Variants in NPIPB6 observed in about 807,000 individuals in gnomAD.
NPIPB6 encodes nuclear pore complex-interacting protein family member B6.
In NPIPB6, 2 loss-of-function variants were observed where a neutral mutation model predicts 20.0. The observed-to-expected ratio is 0.10, with a 90% CI of 0.04 to 0.31. NPIPB6 has a LOEUF of 0.31. Ranked by LOEUF, NPIPB6 falls within the 10% of genes least tolerant of loss-of-function variation. The pLI, the probability that NPIPB6 is intolerant of heterozygous loss-of-function variation, is 1.00. For missense variants in NPIPB6, 96 were observed against 293.7 expected (o/e 0.33, Z 4.92); for synonymous variants, 35 against 116.3 (o/e 0.30, Z 4.50).
At chr16:28,348,265 T>C in intron 4 of NPIPB6, among the ~76,000 whole-genome samples, 1 of 104,504 alleles carries the variant, frequency 9.6e-6, no homozygotes, top group Non-Finnish European at 2.1e-5. Context: ...CAGAGCGAGA[T>C]TCTATCTCAA....
chr16:28,356,130 T>TA (rs571401989), intron 1 of NPIPB6, among the ~76,000 whole-genome samples: 34 of 30,080 alleles, frequency 1.1e-3, no homozygotes, highest in South Asian at 1.8e-3. Context: ...AGACTCTGTC[T>TA]AAAAAAAAAA....
intron 1 of NPIPB6, among the ~76,000 whole-genome samples, chr16:28,360,471 A>G (rs1473695360): frequency 7.8e-6 from 1 of 128,332 alleles, no homozygotes; most frequent in Non-Finnish European, 1.8e-5. Flanking sequence ...CATGCTGGTG[A>G]TGATTTTGTG....
chr16:28,349,912 A>C (rs1281691298), intron 2 of NPIPB6, among the ~76,000 whole-genome samples: 1 of 104,968 alleles, frequency 9.5e-6, no homozygotes, highest in South Asian at 2.7e-4. Flanking sequence ...AAAAAAAAAA[A>C]AAGAGCCCAG....
intron 2 of NPIPB6, among the ~76,000 whole-genome samples, chr16:28,350,984 TTTG>T (rs1379577719): frequency 8.6e-5 from 9 of 104,484 alleles, no homozygotes; most frequent in Admixed American, 1.2e-4. Flanking sequence ...CTTTGTAGAA[TTTG>T]TTTTTTCCTG....
At chr16:28,351,874 G>T (rs1205293036) in intron 2 of NPIPB6, among the ~76,000 whole-genome samples, 1 of 14,136 alleles carries the variant, frequency 7.1e-5, no homozygotes, top group Admixed American at 9.8e-4. Flanking sequence ...AAGCATTGTG[G>T]TATTAGTACT....
intron 1 of NPIPB6, among the ~76,000 whole-genome samples, chr16:28,358,139 AG>A (rs1186891178): frequency 7.3e-6 from 1 of 136,734 alleles, no homozygotes; most frequent in Non-Finnish European, 1.6e-5. Flanking sequence ...GGCAGGACGC[AG>A]GGGTCTGGTG....
rs1567226178 is a variant in NPIPB6 at position 28,342,703 on chromosome 16, G to GGCCTCCCTCT, written c.1172_1181dup (p.Ala396GlyfsTer17). ...TGGGTTTGGGTAATTGTTGTGCCTCGGCCTCCCTCTGCCTCTTGGGCTTGG... is the reference window on the plus strand; with the variant it reads ...TGGGTTTGGGTAATTGTTGTGCCTCGGCCTCCCTCTGCCTCCCTCTGCCTCTTGGGCTTGG... On this transcript the variant is annotated frameshift_variant, in exon 7 of 7. Transcript: ENST00000532254. LOFTEE classifies it high-confidence loss of function. 6.7e-7 allele frequency: 1 copy of GGCCTCCCTCT among 1,489,966 alleles called. No homozygotes were observed. The highest frequency in any genetic ancestry group is 1.4e-5 in the African/African-American group (1 of 72,490). 92.3% of individuals were successfully genotyped at this position (1,489,966 alleles called of 1,614,324 possible). A position where few individuals can be genotyped will look rare whatever the true frequency, so the allele number is the denominator to read the frequency against.
chr16:28,360,412 C>T (rs1596584377), intron 1 of NPIPB6, among the ~76,000 whole-genome samples: 1 of 132,340 alleles, frequency 7.6e-6, no homozygotes, highest in East Asian at 2.1e-4. Flanking sequence ...GAGTTCACTG[C>T]TGATTACATC....
intron 2 of NPIPB6, among the ~76,000 whole-genome samples, chr16:28,349,623 T>C (rs1301529330): frequency 5.4e-5 from 5 of 92,594 alleles, no homozygotes; most frequent in African/African-American, 1.9e-4. Context: ...GCACGGTGGC[T>C]CACTCCTGTA....
chr16:28,360,219 G>C (rs2045400949), intron 1 of NPIPB6, among the ~76,000 whole-genome samples: 1 of 126,298 alleles, frequency 7.9e-6, no homozygotes, highest in South Asian at 2.2e-4. Flanking sequence ...CAATCTGAAA[G>C]GAACAGGAGA....
At chr16:28,348,274 A>G (rs1296865349) in intron 4 of NPIPB6, among the ~76,000 whole-genome samples, 1 of 109,974 alleles carries the variant, frequency 9.1e-6, no homozygotes, top group African/African-American at 3.1e-5. Flanking sequence ...ATTCTATCTC[A>G]AAATTTTAAA....
chr16:28,349,547 TCACACACACACA>T (rs71225064), intron 2 of NPIPB6, among the ~76,000 whole-genome samples: 642 of 57,538 alleles, frequency 0.011, no homozygotes, highest in African/African-American at 0.035. Context: ...TGAGACTCTG[TCACACACACACA>T]CACACACACA....
intron 4 of NPIPB6, among the ~76,000 whole-genome samples, chr16:28,347,972 T>C (rs2045123580): frequency 8.4e-6 from 1 of 119,004 alleles, no homozygotes; most frequent in Non-Finnish European, 1.9e-5. Flanking sequence ...TATCCGGGCA[T>C]GGTGGCATAT....
At chr16:28,361,766 G>A (rs56097797) in intron 1 of NPIPB6, among the ~76,000 whole-genome samples, 8,337 of 49,388 alleles carry the variant, frequency 0.17, 195 homozygotes, top group Middle Eastern at 0.22. Context: ...GTGTGTGTGT[G>A]TGTATGTGTG....
chr16:28,359,120 C>G (rs1377735284), intron 1 of NPIPB6, among the ~76,000 whole-genome samples: 15 of 141,448 alleles, frequency 1.1e-4, no homozygotes, highest in Admixed American at 2.1e-4. Context: ...CCCTAGATTT[C>G]GGTTGTGTTG....
chr16:28,353,413 CTTTTTTT>C (rs1246440489), intron 1 of NPIPB6, among the ~76,000 whole-genome samples: 27 of 109,044 alleles, frequency 2.5e-4, no homozygotes, highest in Non-Finnish European at 4.1e-4. Context: ...AAAAAAAACT[CTTTTTTT>C]TTTTTTTTTG....
intron 2 of NPIPB6, among the ~76,000 whole-genome samples, chr16:28,349,635 T>C (rs1292289960): frequency 1.1e-5 from 1 of 95,130 alleles, no homozygotes; most frequent in Admixed American, 1.3e-4. Context: ...ACTCCTGTAA[T>C]CCCAGCACTT....
chr16:28,360,716 G>A (rs1446430155), intron 1 of NPIPB6, among the ~76,000 whole-genome samples: 1 of 134,582 alleles, frequency 7.4e-6, no homozygotes, highest in African/African-American at 2.5e-5. Context: ...AGATGTGAGT[G>A]GAAGTGAAGC....
intron 1 of NPIPB6, among the ~76,000 whole-genome samples, chr16:28,361,693 C>T (rs1272602728): frequency 1.3e-5 from 2 of 148,340 alleles, no homozygotes; most frequent in African/African-American, 4.9e-5. Flanking sequence ...TGCACTCCAG[C>T]CTGGGCGACA....
Sources: gnomAD v4.1 joint callset for allele counts (sites outside exome capture counted in the v4.1 genomes callset) on GRCh38, gnomAD v4.1.1 for gene constraint, MANE v1.5 for transcripts, NCBI Gene and HGNC (gene_info 2026-07-23, HGNC 2026-07-21) for gene names.